Variants in ARMC9 observed in about 807,000 individuals in gnomAD.
The protein encoded by ARMC9 is lisH domain-containing protein ARMC9.
In ARMC9, 94 loss-of-function variants were observed where a neutral mutation model predicts 107.0. That is an observed-to-expected ratio of 0.88 (90% CI 0.74 to 1.04). The LOEUF is 1.04. Ranked by LOEUF, ARMC9 falls within the 50% of genes least tolerant of loss-of-function variation. The probability of loss-of-function intolerance (pLI) is 0.00; values close to 1 mark genes in which losing one functional copy is unlikely to be tolerated. For synonymous variants in ARMC9, 380 were observed against 396.9 expected (o/e 0.96, Z 0.51); for missense variants, 942 against 1,030.1 (o/e 0.91, Z 1.17).
At chr2:231,211,432 T>C (rs1458479487) in intron 3 of ARMC9, among the ~76,000 whole-genome samples, 3 of 151,498 alleles carry the variant, frequency 2.0e-5, no homozygotes, top group African/African-American at 4.9e-5. Flanking sequence ...CTTGGGAGGC[T>C]GAGGCAGGAG....
At chr2:231,230,255 C>A (rs1335439088) in intron 7 of ARMC9, among the ~76,000 whole-genome samples, 3 of 151,688 alleles carry the variant, frequency 2.0e-5, no homozygotes, top group Non-Finnish European at 2.9e-5. Context: ...CCCAGCTACT[C>A]AGGAGGCTGA....
intron 13 of ARMC9, among the ~76,000 whole-genome samples, chr2:231,272,113 T>C (rs1372611386): frequency 6.6e-6 from 1 of 152,116 alleles, no homozygotes; most frequent in Non-Finnish European, 1.5e-5. Context: ...AACCAACGTT[T>C]AACGTTTAGA....
At chr2:231,334,409 C>G (rs991380253) in intron 20 of ARMC9, among the ~76,000 whole-genome samples, 1 of 152,232 alleles carries the variant, frequency 6.6e-6, no homozygotes, top group Non-Finnish European at 1.5e-5. Flanking sequence ...CTGCAACATG[C>G]CAATCCCTGG....
chr2:231,220,522 G>A (rs764871700), intron 5 of ARMC9, among the ~76,000 whole-genome samples: 2 of 150,864 alleles, frequency 1.3e-5, no homozygotes, highest in South Asian at 2.1e-4. Flanking sequence ...TCTTGAACCC[G>A]GGAGGCGGAG....
chr2:231,289,691 C>T lies in ARMC9; in HGVS notation c.1627-1662C>T, dbSNP rs776993025. ...ACGACAAGCCTGGCCAGGTGTCCAA[C>T]TGGTCCCGCAGGAGCCTGGGCACTG... On this transcript the variant is annotated intron_variant, in intron 17 of 24. Coordinates refer to ENST00000611582, the MANE Select transcript of ARMC9 (RefSeq NM_001352754.2). Among the ~76,000 whole-genome samples, 58 of 152,302 alleles carry T rather than the reference C, an allele frequency of 3.8e-4. 1 individual carries two copies. Among genetic ancestry groups the T allele is most frequent in the Middle Eastern group, 6.8e-3 (2 of 294 alleles).
intron 1 of ARMC9, among the ~76,000 whole-genome samples, chr2:231,200,024 G>A (rs1411461002): frequency 6.6e-6 from 1 of 152,154 alleles, no homozygotes; most frequent in Non-Finnish European, 1.5e-5. Flanking sequence ...AGAATGTTGA[G>A]TAATAGGATA....
At chr2:231,226,608 G>A (rs1222131040) in intron 6 of ARMC9, among the ~76,000 whole-genome samples, 166 bp from the exon 7 acceptor site, 2 of 152,172 alleles carry the variant, frequency 1.3e-5, no homozygotes, top group Admixed American at 6.5e-5. Context: ...GGCCAGTATG[G>A]AGAAGTTGCT....
Position 231,297,351 on chromosome 2 carries a change from A to G in ARMC9, c.1773+1098A>G, listed in dbSNP as rs544060163. ...GTTTACAAAGGTGGAGGCAGAGGGAAAAACACCAGCTTGAGCTCACACAGA... is the reference window on the plus strand; with the variant it reads ...GTTTACAAAGGTGGAGGCAGAGGGAGAAACACCAGCTTGAGCTCACACAGA... On this transcript the variant is annotated intron_variant, in intron 19 of 24. Transcript: ENST00000611582. The surrounding 1 kb of genome is among the most constrained non-coding windows in gnomAD (Gnocchi z 4.2). Among the ~76,000 whole-genome samples, 20 of 152,316 alleles carry G rather than the reference A, an allele frequency of 1.3e-4. No homozygotes were observed. In the East Asian group the frequency reaches 3.9e-3, roughly 29 times the overall value.
At position 231,376,784 on chromosome 2, in the gene ARMC9, T is replaced by C. The variant is rs1412088654; in HGVS notation, c.*5249T>C. Among the ~76,000 whole-genome samples, 3 of 152,190 alleles carry C rather than the reference T, an allele frequency of 2.0e-5. No individual in the cohort carries two copies. The highest frequency in any genetic ancestry group is 6.5e-5 in the Admixed American group (1 of 15,284). On this transcript the variant is annotated 3_prime_UTR_variant, in exon 25 of 25. Transcript: ENST00000611582. ...ATAAAAACTTGCTGGTTTTTGTGGCTTGTGGGGCATCACGGATCCTACCAA... is the reference window on the plus strand; with the variant it reads ...ATAAAAACTTGCTGGTTTTTGTGGCCTGTGGGGCATCACGGATCCTACCAA...
At chr2:231,341,343 G>A (rs1436341826) in intron 20 of ARMC9, among the ~76,000 whole-genome samples, 1 of 152,164 alleles carries the variant, frequency 6.6e-6, no homozygotes, top group Non-Finnish European at 1.5e-5. Flanking sequence ...ATCAACTCAG[G>A]AAGAAAGCCA....
chr2:231,262,180 A>G, intron 11 of ARMC9, 126 bp from the exon 12 acceptor site: 1 of 883,958 alleles, frequency 1.1e-6, no homozygotes, highest in Non-Finnish European at 1.8e-6. Context: ...CCCAAGCTGG[A>G]TATTACTTAT....
At chr2:231,265,755 C>T (rs545368432) in intron 12 of ARMC9, among the ~76,000 whole-genome samples, 3 of 151,260 alleles carry the variant, frequency 2.0e-5, no homozygotes, top group Non-Finnish European at 2.9e-5. Context: ...GCCTGTAATC[C>T]CAGCACTTTG....
At position 231,291,367 on chromosome 2, in the gene ARMC9, C is replaced by T. The variant is rs563619278; in HGVS notation, c.1641C>T (p.Ile547=). The T allele has an allele frequency of 4.2e-5, 67 of 1,613,502 alleles. No homozygotes were observed. Among genetic ancestry groups the T allele is most frequent in the Non-Finnish European group, 5.5e-5 (65 of 1,179,614 alleles). The change falls in exon 18 of 25, where the codon ATC becomes ATT. Residue 547 remains isoleucine (I), a synonymous_variant. Coordinates refer to ENST00000611582, the MANE Select transcript of ARMC9 (RefSeq NM_001352754.2). ...AATACTTCTAGGGAATGGAAGACAT[C>T]CTACGCTGCTTCATCAAAGAAGGCA... is the stretch of plus-strand genomic sequence containing the variant. The part of the protein sequence containing the change: ...EEARAMGMED[I]LRCFIKEGNA...
At chr2:231,338,758 A>C (rs189379042) in intron 20 of ARMC9, among the ~76,000 whole-genome samples, 4 of 151,926 alleles carry the variant, frequency 2.6e-5, no homozygotes, top group Non-Finnish European at 5.9e-5. Context: ...CTTGGCAAAC[A>C]CCTCATAGTT....
At chr2:231,308,285 G>C (rs1031256451) in intron 19 of ARMC9, among the ~76,000 whole-genome samples, 1 of 152,200 alleles carries the variant, frequency 6.6e-6, no homozygotes, top group Non-Finnish European at 1.5e-5. Context: ...CCAGGTGTGT[G>C]CTATTCTTAG....
At chr2:231,214,806 A>T in intron 3 of ARMC9, 25 bp from the exon 4 acceptor site, 1 of 1,609,324 alleles carries the variant, frequency 6.2e-7, no homozygotes, top group Non-Finnish European at 8.5e-7. Context: ...ACAACGAGGT[A>T]TGTAGTCTGA....
intron 21 of ARMC9, among the ~76,000 whole-genome samples, chr2:231,350,284 C>T (rs2125587252): frequency 6.6e-6 from 1 of 152,136 alleles, no homozygotes; most frequent in East Asian, 1.9e-4. Flanking sequence ...CCTCAGCCTC[C>T]CAAAATGCTG....
intron 19 of ARMC9, among the ~76,000 whole-genome samples, chr2:231,302,447 T>G (rs979910729): frequency 6.3e-5 from 9 of 143,632 alleles, no homozygotes; most frequent in African/African-American, 1.0e-4. Context: ...GTTTTTTTTT[T>G]TTTTTTTTTT....
rs1322418026 is a variant in ARMC9, at chr2:231,302,433, G to GTTTTTTTTTTTTTTTTTTTT, written c.1773+6183_1773+6184insTTTTTTTTTTTTTTTTTTTT. Among the ~76,000 whole-genome samples the GTTTTTTTTTTTTTTTTTTTT allele has an allele frequency of 6.2e-5, 6 of 96,392 alleles. 1 individual carries two copies. The highest frequency in any genetic ancestry group is 6.3e-5 in the Non-Finnish European group (3 of 47,826). The allele number at this position is 96,392 out of a possible 152,430, so 63.2% of individuals were successfully genotyped here. ...TTTATGAAAAAGTGTAGCATTGTGG[G>GTTTTTTTTTTTTTTTTTTTT]TTTGTTTTTTTTTTTTTTTTTTTTT... On this transcript the variant is annotated intron_variant, in intron 19 of 24. Transcript: ENST00000611582.
Sources: gnomAD v4.1 joint callset for allele counts (sites outside exome capture counted in the v4.1 genomes callset) on GRCh38, gnomAD v4.1.1 for gene constraint, Gnocchi (gnomAD v3.1) non-coding constraint, MANE v1.5 for transcripts, NCBI Gene and HGNC (gene_info 2026-07-23, HGNC 2026-07-21) for gene names.